The following MAN1A2 variants were observed in gnomAD, a reference collection of about 807,000 sequenced individuals.
MAN1A2 encodes mannosyl-oligosaccharide 1,2-alpha-mannosidase IB.
A neutral mutation model predicts 75.7 loss-of-function variants in MAN1A2; 26 were observed. That is an observed-to-expected ratio of 0.34 (90% confidence interval 0.25 to 0.48). The LOEUF (loss-of-function observed/expected upper bound fraction) is 0.48. Ranked by LOEUF, MAN1A2 falls within the 20% of genes least tolerant of loss-of-function variation. The probability of loss-of-function intolerance (pLI) is 0.99; values close to 1 mark genes in which losing one functional copy is unlikely to be tolerated. For synonymous variants in MAN1A2, 247 were observed against 264.6 expected (o/e 0.93, Z 0.65); for missense variants, 562 against 775.5 (o/e 0.72, Z 3.27).
At chr1:117,395,979 C>G (rs192010641) in intron 1 of MAN1A2, among the ~76,000 whole-genome samples, 112 of 152,306 alleles carry the variant, frequency 7.4e-4, no homozygotes, top group African/African-American at 2.5e-3. Context: ...TGTCCTTTTC[C>G]CATGGAGTCA....
chr1:117,490,831 T>C (rs1650855290), intron 8 of MAN1A2, among the ~76,000 whole-genome samples: 1 of 152,074 alleles, frequency 6.6e-6, no homozygotes, highest in African/African-American at 2.4e-5. Flanking sequence ...AAAATAGCCA[T>C]ATTGCAGGCA....
In MAN1A2 at chr1:117,496,843, A is replaced by G. The variant is rs2101876934; in HGVS notation, c.1365A>G (p.Lys455=). The change falls in exon 10 of 13, where the codon AAA becomes AAG. Residue 455 remains lysine (K), a synonymous_variant. Transcript: ENST00000356554. ...IGEWKNGHLE[K]KMGHLACFAG... Reference sequence around the variant, plus strand: ...AATGGAAGAATGGGCACTTGGAAAAAAAGATGGGGCATTTGGCCTGCTTTG... The same window carrying G: ...AATGGAAGAATGGGCACTTGGAAAAGAAGATGGGGCATTTGGCCTGCTTTG... The G allele has an allele frequency of 6.2e-7, 1 of 1,612,804 alleles. No individual in the cohort carries two copies. The highest frequency in any genetic ancestry group is 2.2e-5 in the East Asian group (1 of 44,762).
chr1:117,473,738 G>T (rs1188603808), intron 8 of MAN1A2, among the ~76,000 whole-genome samples: 1 of 151,906 alleles, frequency 6.6e-6, no homozygotes, highest in African/African-American at 2.4e-5. Context: ...TTACTCAAAA[G>T]TTACCTTTTC....
At chr1:117,503,621 A>G (rs184052472) in intron 12 of MAN1A2, among the ~76,000 whole-genome samples, 10 of 151,672 alleles carry the variant, frequency 6.6e-5, no homozygotes, top group Admixed American at 4.6e-4. Context: ...ATATCTCTTC[A>G]TACTCGCTCT....
intron 1 of MAN1A2, among the ~76,000 whole-genome samples, chr1:117,376,983 C>G (rs896799185): frequency 3.3e-5 from 5 of 152,156 alleles, no homozygotes; most frequent in African/African-American, 1.2e-4. Context: ...GAGACTTAAG[C>G]ATTTGTGGAT....
At position 117,527,759 on chromosome 1, in the gene MAN1A2, A is replaced by G. The variant is rs748063359; in HGVS notation, c.*4802A>G. ...CCTTGAACCAGGATTCTGGATTGCT[A>G]GAGCTGCAGAAATTCACCCACTTGG... On this transcript the variant is annotated 3_prime_UTR_variant, in exon 13 of 13. Coordinates refer to ENST00000356554, the MANE Select transcript of MAN1A2 (RefSeq NM_006699.5). The G allele has an allele frequency of 2.6e-5, 4 of 152,084 alleles. No homozygotes were observed. The highest frequency in any genetic ancestry group is 4.4e-5 in the Non-Finnish European group (3 of 67,968). 9.4% of individuals were successfully genotyped at this position (152,084 alleles called of 1,614,324 possible).
At chr1:117,442,112 TCCTACCC>T in intron 5 of MAN1A2, 112 bp from the exon 6 acceptor site, 1 of 582,540 alleles carries the variant, frequency 1.7e-6, no homozygotes, top group Admixed American at 2.7e-5. Context: ...AGATGCTTTT[TCCTACCC>T]TGTGCTCCCG....
chr1:117,432,876 A>G lies in MAN1A2; in HGVS notation c.856-9355A>G, dbSNP rs375299309. Among the ~76,000 whole-genome samples the G allele has an allele frequency of 1.3e-4, 19 of 148,996 alleles. 2 individuals are homozygous for G. The South Asian group carries it at 3.8e-3, about 30-fold the overall frequency. On this transcript the variant is annotated intron_variant, in intron 5 of 12. Coordinates refer to ENST00000356554, the MANE Select transcript of MAN1A2 (RefSeq NM_006699.5). ...CTTGTAAAGCATAGCTAGCAATAAT[A>G]TAAAAGATATATATATTATATATAA... is the stretch of plus-strand genomic sequence containing the variant.
intron 8 of MAN1A2, among the ~76,000 whole-genome samples, chr1:117,480,545 A>T (rs137911361): frequency 0.013 from 1,903 of 151,032 alleles, 29 homozygotes; most frequent in African/African-American, 0.04. Context: ...GCACTTTTTT[A>T]AAAAAAAAGT....
At chr1:117,482,990 A>T (rs1650547401) in intron 8 of MAN1A2, among the ~76,000 whole-genome samples, 1 of 152,134 alleles carries the variant, frequency 6.6e-6, no homozygotes, top group Non-Finnish European at 1.5e-5. Context: ...CATTTATTAA[A>T]TAGGGAATCC....
chr1:117,398,811 T>C (rs1647310092), intron 1 of MAN1A2, among the ~76,000 whole-genome samples: 1 of 148,696 alleles, frequency 6.7e-6, no homozygotes, highest in Non-Finnish European at 1.5e-5. Flanking sequence ...TATAATAGAA[T>C]TCCTTAGGAT....
intron 3 of MAN1A2, among the ~76,000 whole-genome samples, chr1:117,407,421 A>C (rs1005862315): frequency 7.9e-5 from 12 of 152,264 alleles, no homozygotes; most frequent in Admixed American, 7.2e-4. Context: ...GTAAAAGTCT[A>C]AGAGAAGCGT....
chr1:117,498,718 T>C (rs1651107592), intron 10 of MAN1A2, among the ~76,000 whole-genome samples: 1 of 151,912 alleles, frequency 6.6e-6, no homozygotes, highest in Non-Finnish European at 1.5e-5. Flanking sequence ...TTGTTTTTAC[T>C]TGTCTTTAAT....
In MAN1A2 at chr1:117,526,866, CTCTCTCTCTCTCTCTA is replaced by C. The variant is rs59480576; in HGVS notation, c.*3911_*3926del. On this transcript the variant is annotated 3_prime_UTR_variant, in exon 13 of 13. Transcript: ENST00000356554. ...CCTCTCTCTCTCTCTCTCTCTCTCT[CTCTCTCTCTCTCTCTA>C]TATATATATATATATATATATATAT... 1,952 of 96,876 alleles carry C rather than the reference CTCTCTCTCTCTCTCTA, an allele frequency of 0.02. 22 individuals are homozygous for C. Among genetic ancestry groups the C allele is most frequent in the Middle Eastern group, 0.04 (8 of 200 alleles). 6.0% of individuals were successfully genotyped at this position (96,876 alleles called of 1,614,324 possible).
At chr1:117,472,662 A>G (rs1650196112) in intron 8 of MAN1A2, among the ~76,000 whole-genome samples, 1 of 151,814 alleles carries the variant, frequency 6.6e-6, no homozygotes, top group South Asian at 2.1e-4. Flanking sequence ...TTCATGCTTC[A>G]CTCAGTCTTT....
At chr1:117,397,766 C>T (rs1647236141) in intron 1 of MAN1A2, among the ~76,000 whole-genome samples, 1 of 151,250 alleles carries the variant, frequency 6.6e-6, no homozygotes, top group Non-Finnish European at 1.5e-5. Flanking sequence ...ATTCTCCTGC[C>T]TCAGCCTCCT....
intron 1 of MAN1A2, among the ~76,000 whole-genome samples, chr1:117,384,156 T>G (rs545929582): frequency 1.2e-4 from 19 of 152,328 alleles, no homozygotes; most frequent in African/African-American, 4.3e-4. Flanking sequence ...TGTTTTTGTC[T>G]GTTGTGCAGG....
At chr1:117,416,688 A>G (rs1468084871) in intron 4 of MAN1A2, among the ~76,000 whole-genome samples, 1 of 152,178 alleles carries the variant, frequency 6.6e-6, no homozygotes, top group Non-Finnish European at 1.5e-5. Context: ...TAACTCTAGG[A>G]AACAGGAAAC....
chr1:117,373,946 A>G (rs2101716454), intron 1 of MAN1A2, among the ~76,000 whole-genome samples: 1 of 152,228 alleles, frequency 6.6e-6, no homozygotes, highest in Non-Finnish European at 1.5e-5. Context: ...CAAGTTTATT[A>G]GAGGAGGAAA....
Sources: gnomAD v4.1 joint callset for allele counts (sites outside exome capture counted in the v4.1 genomes callset) on GRCh38, gnomAD v4.1.1 for gene constraint, MANE v1.5 for transcripts, NCBI Gene and HGNC (gene_info 2026-07-23, HGNC 2026-07-21) for gene names.